The following NUMB variants were observed in gnomAD, a reference collection of about 807,000 sequenced individuals.
NUMB encodes the protein NUMB endocytic adaptor protein, also known as protein numb homolog.
A neutral mutation model predicts 59.7 loss-of-function variants in NUMB; 29 were observed. The observed-to-expected ratio is 0.49, with a 90% CI of 0.36 to 0.66. The LOEUF is 0.66. Ranked by LOEUF, NUMB falls within the 30% of genes least tolerant of loss-of-function variation. The probability of loss-of-function intolerance (pLI) is 0.00; values close to 1 mark genes in which losing one functional copy is unlikely to be tolerated. For missense variants in NUMB, 723 were observed against 822.0 expected, an observed-to-expected ratio of 0.88 and a Z score of 1.47; for synonymous variants, 288 against 288.2, an observed-to-expected ratio of 1.00 and a Z score of 0.01.
intron 1 of NUMB, among the ~76,000 whole-genome samples, chr14:73,452,361 A>AAAAAC (rs904177853): frequency 3.9e-5 from 6 of 152,146 alleles, no homozygotes; most frequent in South Asian, 2.1e-4. Flanking sequence ...ACTCTGTCTC[A>AAAAAC]AAAACAAAAC....
intron 1 of NUMB, among the ~76,000 whole-genome samples, chr14:73,413,964 T>C (rs1006706329): frequency 6.6e-6 from 1 of 151,502 alleles, no homozygotes; most frequent in African/African-American, 2.4e-5. Flanking sequence ...TTCTTTTTTT[T>C]TTTTTTTTGA....
intron 5 of NUMB, among the ~76,000 whole-genome samples, chr14:73,320,869 A>T (rs1164243497): frequency 2.1e-5 from 3 of 141,918 alleles, no homozygotes; most frequent in Non-Finnish European, 3.1e-5. Context: ...TTCTTGGTTT[A>T]AAAAAAAAAA....
At chr14:73,325,148 C>T (rs1215780595) in intron 4 of NUMB, among the ~76,000 whole-genome samples, 1 of 152,204 alleles carries the variant, frequency 6.6e-6, no homozygotes, top group African/African-American at 2.4e-5. Flanking sequence ...TCAGCCCACT[C>T]CCTGTCCCCT....
chr14:73,433,153 G>A (rs1270177505), intron 1 of NUMB, among the ~76,000 whole-genome samples: 5 of 152,078 alleles, frequency 3.3e-5, no homozygotes, highest in Admixed American at 6.6e-5. Context: ...GTTGCAGTGA[G>A]CCAAGATTGC....
chr14:73,432,773 C>T (rs924593905), intron 1 of NUMB, among the ~76,000 whole-genome samples: 1 of 152,164 alleles, frequency 6.6e-6, no homozygotes, highest in Non-Finnish European at 1.5e-5. Flanking sequence ...CTATCATTTC[C>T]TGTGATGCCT....
At chr14:73,417,395 G>A (rs1383023362) in intron 1 of NUMB, among the ~76,000 whole-genome samples, 1 of 150,258 alleles carries the variant, frequency 6.7e-6, no homozygotes, top group Non-Finnish European at 1.5e-5. Context: ...CTGCCTGTCT[G>A]CATGTTCCCC....
intron 9 of NUMB, 79 bp from the exon 10 acceptor site, chr14:73,284,453 C>T: frequency 8.3e-7 from 1 of 1,204,790 alleles, no homozygotes; most frequent in Non-Finnish European, 1.2e-6. Context: ...AATTCGAAAG[C>T]CCTCTAGGTC....
At position 73,385,317 on chromosome 14, in the gene NUMB, T is replaced by C. The variant is rs530964388; in HGVS notation, c.-100-18336A>G. 3.4e-5 allele frequency among the ~76,000 whole-genome samples: 5 copies of C among 147,082 alleles called. No individual in the cohort carries two copies. The East Asian group carries it at 9.8e-4, about 29-fold the overall frequency. ...TGCATACCAGTTAATTCTTTTTTTT[T>C]TTTTTTTTTTGGTAGAGACAGAGTC... On this transcript the variant is annotated intron_variant, in intron 2 of 12. Coordinates refer to ENST00000555238, the MANE Select transcript of NUMB (RefSeq NM_001005743.2).
At chr14:73,433,379 G>A (rs964985914) in intron 1 of NUMB, among the ~76,000 whole-genome samples, 1 of 152,102 alleles carries the variant, frequency 6.6e-6, no homozygotes. Flanking sequence ...CCAAGATCAC[G>A]CCACTGAACT....
At chr14:73,357,082 G>A (rs1444144859) in intron 3 of NUMB, 1 of 867,684 alleles carries the variant, frequency 1.2e-6, no homozygotes, top group Non-Finnish European at 1.4e-6. Context: ...AATGACAAAG[G>A]TACAAGTTTC....
intron 2 of NUMB, among the ~76,000 whole-genome samples, chr14:73,393,590 AAG>A (rs1895963390): frequency 6.6e-6 from 1 of 152,250 alleles, no homozygotes; most frequent in African/African-American, 2.4e-5. Context: ...AGGCTGGAAT[AAG>A]AGCCAGTTTT....
At chr14:73,399,355 G>C (rs564388883) in intron 2 of NUMB, among the ~76,000 whole-genome samples, 141 of 152,262 alleles carry the variant, frequency 9.3e-4, no homozygotes, top group African/African-American at 3.3e-3. Context: ...CCTGAGGTCC[G>C]GAGTTAGAAA....
intron 4 of NUMB, among the ~76,000 whole-genome samples, chr14:73,348,388 C>T (rs1893021402): frequency 6.6e-6 from 1 of 152,212 alleles, no homozygotes; most frequent in Non-Finnish European, 1.5e-5. Flanking sequence ...CCTGCACAGT[C>T]TCTAAAGCAG....
chr14:73,388,523 T>C (rs753104920), intron 2 of NUMB, among the ~76,000 whole-genome samples: 4 of 152,230 alleles, frequency 2.6e-5, no homozygotes, highest in African/African-American at 4.8e-5. Flanking sequence ...TTTTTTCAGC[T>C]AGGCTTATGG....
chr14:73,451,359 C>G (rs1156487869), intron 1 of NUMB, among the ~76,000 whole-genome samples: 2 of 151,394 alleles, frequency 1.3e-5, no homozygotes, highest in Non-Finnish European at 2.9e-5. Context: ...ATTACTTGAA[C>G]CCACAAGGCG....
intron 5 of NUMB, among the ~76,000 whole-genome samples, chr14:73,320,123 C>T (rs1257360006): frequency 6.8e-6 from 1 of 147,700 alleles, no homozygotes; most frequent in East Asian, 2.4e-4. Flanking sequence ...CAGAGCAAGA[C>T]TCCGACTCGG....
intron 2 of NUMB, among the ~76,000 whole-genome samples, chr14:73,383,534 A>G (rs764114374): frequency 6.6e-6 from 1 of 152,198 alleles, no homozygotes; most frequent in Non-Finnish European, 1.5e-5. Context: ...GAGGGAACTG[A>G]AAGAATGAGA....
intron 2 of NUMB, among the ~76,000 whole-genome samples, chr14:73,401,012 G>A (rs910956781): frequency 1.4e-4 from 21 of 152,188 alleles, no homozygotes; most frequent in African/African-American, 5.1e-4. Flanking sequence ...TGGCTAATCA[G>A]CCAGAAGCAC....
chr14:73,452,222 T>C (rs1303198888), intron 1 of NUMB, among the ~76,000 whole-genome samples: 1 of 152,004 alleles, frequency 6.6e-6, no homozygotes, highest in Non-Finnish European at 1.5e-5. Flanking sequence ...TAGCGGGGTG[T>C]GGTAGTGCAC....
Sources: gnomAD v4.1 joint callset for allele counts (sites outside exome capture counted in the v4.1 genomes callset) on GRCh38, gnomAD v4.1.1 for gene constraint, MANE v1.5 for transcripts, NCBI Gene and HGNC (gene_info 2026-07-23, HGNC 2026-07-21) for gene names.